ZC3H11A: variants seen among roughly 807,000 people sequenced by gnomAD.
The protein encoded by ZC3H11A is zinc finger CCCH domain-containing protein 11A.
ZC3H11A carries 22 observed loss-of-function variants against 90.8 expected under a neutral mutation model. The ratio of observed to expected loss-of-function variants is 0.24; its 90% CI spans 0.17 to 0.35. The LOEUF is 0.35. Ranked by LOEUF, ZC3H11A falls within the 10% of genes least tolerant of loss-of-function variation. ZC3H11A has a pLI of 1.00. For missense variants in ZC3H11A, 701 were observed against 964.9 expected, an observed-to-expected ratio of 0.73 and a Z score of 3.62; for synonymous variants, 294 against 339.8, an observed-to-expected ratio of 0.87 and a Z score of 1.48.
intron 4 of ZC3H11A, among the ~76,000 whole-genome samples, chr1:203,825,250 A>G (rs1680140952): frequency 6.6e-6 from 1 of 152,112 alleles, no homozygotes; most frequent in Non-Finnish European, 1.5e-5. Context: ...ACAGGAACCC[A>G]ACTCTATTTC....
intron 12 of ZC3H11A, among the ~76,000 whole-genome samples, chr1:203,846,670 A>C (rs1200298868): frequency 2.0e-5 from 3 of 152,210 alleles, no homozygotes; most frequent in Non-Finnish European, 4.4e-5. Flanking sequence ...CCATAAGTTA[A>C]TGAAGAATTT....
At chr1:203,811,574 T>C (rs1216690023) in intron 2 of ZC3H11A, among the ~76,000 whole-genome samples, 1 of 152,142 alleles carries the variant, frequency 6.6e-6, no homozygotes, top group Non-Finnish European at 1.5e-5. Flanking sequence ...AGTGGCAAGA[T>C]TGTGGCTCAC....
intron 12 of ZC3H11A, among the ~76,000 whole-genome samples, chr1:203,844,789 A>ATTTC (rs763483673): frequency 6.6e-5 from 10 of 152,068 alleles, no homozygotes; most frequent in Non-Finnish European, 5.9e-5. Context: ...GAGTGGAAAC[A>ATTTC]ACTTCTTTCC....
intron 2 of ZC3H11A, among the ~76,000 whole-genome samples, 157 bp downstream of exon 2, chr1:203,803,173 CAT>C (rs1209590085): frequency 2.0e-5 from 3 of 151,998 alleles, no homozygotes; most frequent in Non-Finnish European, 2.9e-5. Flanking sequence ...GGGATGGAAA[CAT>C]ATTTTTTTCT....
intron 4 of ZC3H11A, among the ~76,000 whole-genome samples, chr1:203,827,697 G>A (rs1248684937): frequency 2.0e-5 from 3 of 149,668 alleles, no homozygotes; most frequent in Non-Finnish European, 4.5e-5. Context: ...AAAAAAAAAA[G>A]TAAGGTGACT....
At chr1:203,811,911 G>A (rs930289453) in intron 2 of ZC3H11A, among the ~76,000 whole-genome samples, 9 of 150,690 alleles carry the variant, frequency 6.0e-5, no homozygotes, top group African/African-American at 1.2e-4. Context: ...CACCTCCTGT[G>A]TTCAAGTGAT....
In ZC3H11A at chr1:203,852,508, C is replaced by A. The variant is rs996470108; in HGVS notation, c.*109C>A. On this transcript the variant is annotated 3_prime_UTR_variant, in exon 18 of 18. Transcript: ENST00000367210. ...TCATTTCTTTAGTCTAGAATTTGCC[C>A]CAAATCAGAAGTATACCTCTGAATT... 90 of 1,295,724 alleles carry A rather than the reference C, an allele frequency of 6.9e-5. No individual in the cohort carries two copies. In the African/African-American group the frequency reaches 1.3e-3, roughly 19 times the overall value. The allele number at this position is 1,295,724 out of a possible 1,614,324, so 80.3% of individuals were successfully genotyped here. A position where few individuals can be genotyped will look rare whatever the true frequency, so the allele number is the denominator to read the frequency against.
At position 203,849,763 on chromosome 1, in the gene ZC3H11A, G is replaced by A. The variant is rs920410915; in HGVS notation, c.1676G>A (p.Cys559Tyr). 1 of 1,613,818 alleles carries A rather than the reference G, an allele frequency of 6.2e-7. No homozygotes were observed. The highest frequency in any genetic ancestry group is 1.3e-5 in the African/African-American group (1 of 74,902). Residue 559 changes from cysteine to tyrosine, a missense_variant, in exon 15 of 18, where the codon TGT becomes TAT. Physicochemically the swap from Cys to Tyr is radical, Grantham distance 194 (BLOSUM62 -2). Around this residue, in one of 4 missense-constraint regions of ZC3H11A, gnomAD observed 530 missense variants for 696.2 expected, o/e 0.76. Transcript: ENST00000367210. ...VDITKIQVKR[C>Y]ETMREKHMQK... ...ATCACTAAAATTCAAGTCAAGAGAT[G>A]TGAGACCATGAGAGAGAAGCACATG...
intron 2 of ZC3H11A, among the ~76,000 whole-genome samples, chr1:203,809,841 C>G (rs1315783878): frequency 6.6e-6 from 1 of 152,100 alleles, no homozygotes. Context: ...GTAATTCCAG[C>G]TACTCGGGAG....
chr1:203,814,601 G>A (rs12046517), intron 2 of ZC3H11A, among the ~76,000 whole-genome samples: 28,712 of 151,858 alleles, frequency 0.19, 3,216 homozygotes, highest in East Asian at 0.45. Context: ...CTCACCATAA[G>A]TACCTTAAGT....
chr1:203,826,618 T>C (rs1040913657), intron 4 of ZC3H11A, among the ~76,000 whole-genome samples: 1 of 152,134 alleles, frequency 6.6e-6, no homozygotes, highest in Non-Finnish European at 1.5e-5. Context: ...TTTGCCCTTT[T>C]TGATACATTT....
chr1:203,819,073 A>T (rs1416443449), intron 4 of ZC3H11A, among the ~76,000 whole-genome samples: 39 of 33,354 alleles, frequency 1.2e-3, no homozygotes, highest in Non-Finnish European at 3.8e-3. Context: ...GTCTCAAAAA[A>T]AAAAATATAT....
At chr1:203,805,498 G>A (rs1452282640) in intron 2 of ZC3H11A, 2 of 443,764 alleles carry the variant, frequency 4.5e-6, no homozygotes, top group South Asian at 1.8e-5. Flanking sequence ...AAATAGAAGA[G>A]CAATGTAATT....
Position 203,837,144 on chromosome 1 carries a change from A to G in ZC3H11A, c.875-822A>G, listed in dbSNP as rs55924125. Among the ~76,000 whole-genome samples, 464 of 151,884 alleles carry G rather than the reference A, an allele frequency of 3.1e-3. 1 individual carries two copies. Among genetic ancestry groups the G allele is most frequent in the Non-Finnish European group, 5.4e-3 (365 of 67,922 alleles). On this transcript the variant is annotated intron_variant, in intron 10 of 17. Coordinates refer to ENST00000367210, the MANE Select transcript of ZC3H11A (RefSeq NM_001376342.1). ...CCCTTGTCTCTACTAAAAATACAAA[A>G]ATTAACCAGGCATGGCATGTGCCTA...
rs377347780 is a variant in ZC3H11A, at chr1:203,847,313, C to T, written c.1172C>T (p.Ser391Phe). 1 of 1,613,754 alleles carries T rather than the reference C, an allele frequency of 6.2e-7. No homozygotes were observed. The highest frequency in any genetic ancestry group is 1.3e-5 in the African/African-American group (1 of 74,890). Residue 391 changes from serine to phenylalanine, a missense_variant, in exon 13 of 18, where the codon TCT (serine) becomes TTT (phenylalanine). Around this residue, in one of 4 missense-constraint regions of ZC3H11A, gnomAD observed 530 missense variants for 696.2 expected, o/e 0.76. Transcript: ENST00000367210. ...KTEGPSKTDD[S>F]TSGARSSSTI... is the part of the protein sequence containing the mutation. ...GAAGGACCTTCAAAAACTGATGATT[C>T]TACTTCAGGAGCAAGAAGCTCCTCC...
intron 14 of ZC3H11A, among the ~76,000 whole-genome samples, chr1:203,848,626 G>T (rs57003755): frequency 5.9e-5 from 9 of 152,086 alleles, no homozygotes; most frequent in Non-Finnish European, 1.2e-4. Flanking sequence ...GGTGGCTCAC[G>T]CCTGTAATCC....
At chr1:203,798,056 A>C in intron 1 of ZC3H11A, 1 of 1,535,758 alleles carries the variant, frequency 6.5e-7, no homozygotes. Flanking sequence ...ATCTGCAAGC[A>C]AGGCATTCAC....
chr1:203,850,368 T>C, intron 15 of ZC3H11A, 147 bp from the exon 16 acceptor site: 1 of 1,207,144 alleles, frequency 8.3e-7, no homozygotes. Flanking sequence ...GACCACAAAT[T>C]GCCTTTGAAT....
At chr1:203,850,138 A>G (rs1387033356) in intron 15 of ZC3H11A, 112 bp downstream of exon 15, 2 of 875,380 alleles carry the variant, frequency 2.3e-6, no homozygotes, top group Non-Finnish European at 3.6e-6. Flanking sequence ...TTTGCCTTCT[A>G]TCCACAGGTA....
Sources: allele counts gnomAD v4.1 joint callset (sites outside exome capture counted in the v4.1 genomes callset), GRCh38; gene constraint gnomAD v4.1.1; regional missense constraint gnomAD v4.1.1; transcripts MANE v1.5; gene names NCBI Gene and HGNC (gene_info 2026-07-23, HGNC 2026-07-21).